CNOT4: variants seen among roughly 807,000 people sequenced by gnomAD.
CNOT4 encodes the protein CCR4-NOT transcription complex subunit 4.
Under a neutral mutation model 73.8 loss-of-function variants are expected in CNOT4, and 8 were observed. That is an observed-to-expected ratio of 0.11 (90% CI 0.06 to 0.20). CNOT4 has a LOEUF of 0.20. Ranked by LOEUF, CNOT4 falls within the 10% of genes least tolerant of loss-of-function variation. CNOT4 has a pLI of 1.00. For missense variants in CNOT4, 564 were observed against 883.4 expected, an observed-to-expected ratio of 0.64 and a Z score of 4.58; for synonymous variants, 293 against 321.1, an observed-to-expected ratio of 0.91 and a Z score of 0.94.
chr7:135,387,881 T>TA, intron 10 of CNOT4: 2 of 967,662 alleles, frequency 2.1e-6, no homozygotes, highest in Non-Finnish European at 2.5e-6. Context: ...TCTTCTGCCT[T>TA]AGTCTCATTC....
intron 1 of CNOT4, among the ~76,000 whole-genome samples, chr7:135,466,740 T>C (rs1177749216): frequency 2.0e-5 from 3 of 152,182 alleles, no homozygotes; most frequent in Non-Finnish European, 4.4e-5. Context: ...TTTTATACCA[T>C]ATTTTTACTA....
intron 1 of CNOT4, among the ~76,000 whole-genome samples, chr7:135,473,131 CTG>C (rs963531764): frequency 5.9e-5 from 9 of 152,028 alleles, no homozygotes; most frequent in Non-Finnish European, 1.0e-4. Flanking sequence ...TTTAATAAAA[CTG>C]TTGGCTTGGA....
rs1804655318 is a variant in CNOT4 at position 135,510,062 on chromosome 7, G to C, written c.-266C>G. 2.5e-6 allele frequency: 1 copy of C among 399,034 alleles called. No individual in the cohort carries two copies. Among genetic ancestry groups the C allele is most frequent in the Admixed American group, 4.4e-5 (1 of 22,720 alleles). 24.7% of individuals were successfully genotyped at this position (399,034 alleles called of 1,614,324 possible). A position where few individuals can be genotyped will look rare whatever the true frequency, so the allele number is the denominator to read the frequency against. On this transcript the variant is annotated 5_prime_UTR_variant, in exon 1 of 12. Transcript: ENST00000541284. ...CTCTCAGCTTTCGGTGGGTTCCACAGCCAGACGGGCCACCATCTTACATTA... is the reference window on the plus strand; with the variant it reads ...CTCTCAGCTTTCGGTGGGTTCCACACCCAGACGGGCCACCATCTTACATTA...
intron 1 of CNOT4, among the ~76,000 whole-genome samples, chr7:135,451,576 A>G (rs1173217198): frequency 1.3e-5 from 2 of 152,174 alleles, no homozygotes; most frequent in Non-Finnish European, 2.9e-5. Flanking sequence ...TACAGGTATG[A>G]GCTACCACAC....
chr7:135,390,508 A>G (rs1249490443), intron 10 of CNOT4, among the ~76,000 whole-genome samples: 1 of 152,146 alleles, frequency 6.6e-6, no homozygotes, highest in African/African-American at 2.4e-5. Flanking sequence ...TCCCCCAAGA[A>G]TATTTATGTC....
intron 1 of CNOT4, among the ~76,000 whole-genome samples, chr7:135,449,822 T>C (rs548624986): frequency 7.8e-6 from 1 of 128,546 alleles, no homozygotes; most frequent in Admixed American, 8.0e-5. Context: ...AATGAGAATA[T>C]TGTGGGTTTT....
In CNOT4 at chr7:135,485,358, C is replaced by A. The variant is rs185567510; in HGVS notation, c.-93+24531G>T. ...GTGCTGGGATTACAGGCTTGAGCCA[C>A]CACAGCTGGCGGTTTTTTGTTTCTG... On this transcript the variant is annotated intron_variant, in intron 1 of 11. Coordinates refer to ENST00000541284, the MANE Select transcript of CNOT4 (RefSeq NM_001190850.2). Among the ~76,000 whole-genome samples the A allele has an allele frequency of 1.6e-3, 246 of 152,260 alleles. 1 individual carries two copies. The highest frequency in any genetic ancestry group is 3.1e-3 in the Admixed American group (47 of 15,306).
chr7:135,375,067 C>T (rs1027002528), intron 10 of CNOT4, among the ~76,000 whole-genome samples: 1 of 152,084 alleles, frequency 6.6e-6, no homozygotes, highest in African/African-American at 2.4e-5. Flanking sequence ...GATAACTACC[C>T]TACAAGATAT....
At chr7:135,466,522 A>T (rs2129486530) in intron 1 of CNOT4, among the ~76,000 whole-genome samples, 2 of 152,212 alleles carry the variant, frequency 1.3e-5, no homozygotes, top group African/African-American at 4.8e-5. Context: ...TAAAGCAGCA[A>T]GCTAAGGTTA....
chr7:135,435,937 A>G (rs550951068), intron 2 of CNOT4, among the ~76,000 whole-genome samples: 2 of 142,174 alleles, frequency 1.4e-5, no homozygotes, highest in Non-Finnish European at 1.5e-5. Context: ...AAAAGGGGGT[A>G]GGCCTATAAG....
At chr7:135,378,813 C>T (rs944462852) in intron 10 of CNOT4, among the ~76,000 whole-genome samples, 2 of 151,976 alleles carry the variant, frequency 1.3e-5, no homozygotes, top group African/African-American at 4.8e-5. Flanking sequence ...AAGCAAAACC[C>T]TGTCTCTAGA....
intron 10 of CNOT4, among the ~76,000 whole-genome samples, chr7:135,378,639 A>G (rs10272576): frequency 0.38 from 57,358 of 151,918 alleles, 11,024 homozygotes; most frequent in South Asian, 0.47. Flanking sequence ...AATTGAGTAA[A>G]AAGACTGAGA....
Position 135,377,415 on chromosome 7 carries a change from T to C in CNOT4, c.1628-13349A>G, listed in dbSNP as rs73158918. Among the ~76,000 whole-genome samples the C allele has an allele frequency of 1.6e-3, 244 of 152,348 alleles. No homozygotes were observed. In the Middle Eastern group the frequency reaches 0.017, roughly 11 times the overall value. On this transcript the variant is annotated intron_variant, in intron 10 of 11. Coordinates refer to ENST00000541284, the MANE Select transcript of CNOT4 (RefSeq NM_001190850.2). ...TGTGCATGTGATGGGGCAGGGAATATAATGAGAAGTCTTTGTACCTTCCAC... is the reference window on the plus strand; with the variant it reads ...TGTGCATGTGATGGGGCAGGGAATACAATGAGAAGTCTTTGTACCTTCCAC...
At chr7:135,384,813 T>C (rs1585563432) in intron 10 of CNOT4, 1 of 730,684 alleles carries the variant, frequency 1.4e-6, no homozygotes, top group East Asian at 2.5e-5. Flanking sequence ...TAGCATCTTG[T>C]TTGTCTCTTC....
chr7:135,442,479 A>G (rs1799538406), intron 1 of CNOT4, among the ~76,000 whole-genome samples: 2 of 152,124 alleles, frequency 1.3e-5, no homozygotes, highest in Non-Finnish European at 1.5e-5. Context: ...CATGCCTGTA[A>G]TCCCAGCTAT....
intron 2 of CNOT4, among the ~76,000 whole-genome samples, chr7:135,426,195 C>G (rs575773994): frequency 3.3e-5 from 5 of 152,008 alleles, no homozygotes. Flanking sequence ...GCTTGGGTGA[C>G]AAGGCAAGAC....
At chr7:135,481,165 A>T (rs1802355935) in intron 1 of CNOT4, among the ~76,000 whole-genome samples, 1 of 152,114 alleles carries the variant, frequency 6.6e-6, no homozygotes, top group African/African-American at 2.4e-5. Flanking sequence ...CTGTTGAATG[A>T]GAGAAAATAT....
At chr7:135,383,712 T>C (rs990885228) in intron 10 of CNOT4, among the ~76,000 whole-genome samples, 1 of 152,212 alleles carries the variant, frequency 6.6e-6, no homozygotes, top group Non-Finnish European at 1.5e-5. Flanking sequence ...TCATTTAGCA[T>C]TGAGTGGTTA....
intron 1 of CNOT4, among the ~76,000 whole-genome samples, chr7:135,506,796 C>A (rs781062436): frequency 6.7e-6 from 1 of 149,704 alleles, no homozygotes; most frequent in Non-Finnish European, 1.5e-5. Flanking sequence ...TGCAGTGAGC[C>A]AAGATCGCAC....
Sources: gnomAD v4.1 joint callset for allele counts (sites outside exome capture counted in the v4.1 genomes callset) on GRCh38, gnomAD v4.1.1 for gene constraint, MANE v1.5 for transcripts, NCBI Gene and HGNC (gene_info 2026-07-23, HGNC 2026-07-21) for gene names.